Variants in ASIC2 observed in about 807,000 individuals in gnomAD.
ASIC2 encodes the protein acid-sensing ion channel 2.
A neutral mutation model predicts 57.3 loss-of-function variants in ASIC2; 25 were observed. That is an observed-to-expected ratio of 0.44 (90% CI 0.32 to 0.61). The LOEUF (loss-of-function observed/expected upper bound fraction) is 0.61. Ranked by LOEUF, ASIC2 falls within the 20% of genes least tolerant of loss-of-function variation. The pLI is 0.06. For synonymous variants in ASIC2, 319 were observed against 307.5 expected, an observed-to-expected ratio of 1.04 and a Z score of -0.39; for missense variants, 641 against 738.1, an observed-to-expected ratio of 0.87 and a Z score of 1.52.
At chr17:33,462,571 C>A (rs1182649527) in intron 1 of ASIC2, among the ~76,000 whole-genome samples, 1 of 152,202 alleles carries the variant, frequency 6.6e-6, no homozygotes, top group South Asian at 2.1e-4. Context: ...ACTGCAGCTG[C>A]CGTATGTGGG....
chr17:33,445,679 C>G (rs1002704667), intron 1 of ASIC2, among the ~76,000 whole-genome samples: 1 of 151,832 alleles, frequency 6.6e-6, no homozygotes, highest in African/African-American at 2.4e-5. Context: ...TGCCTGTAAT[C>G]CCAGCTACTC....
chr17:33,954,000 A>T (rs761496829), intron 1 of ASIC2, among the ~76,000 whole-genome samples: 9 of 152,156 alleles, frequency 5.9e-5, no homozygotes, highest in Non-Finnish European at 1.3e-4. Flanking sequence ...CATTGCTTTG[A>T]TGAGTATTTA....
chr17:33,732,503 C>CTT (rs35048594), intron 1 of ASIC2, among the ~76,000 whole-genome samples: 2,596 of 127,266 alleles, frequency 0.02, 80 homozygotes, highest in African/African-American at 0.068. Context: ...TAAGGAAATT[C>CTT]TTTTTTTTTT....
chr17:33,467,194 G>A (rs1267201934), intron 1 of ASIC2, among the ~76,000 whole-genome samples: 5 of 152,170 alleles, frequency 3.3e-5, no homozygotes, highest in African/African-American at 1.2e-4. Context: ...GCCTGCCTCT[G>A]CCTCCCAAAG....
intron 2 of ASIC2, among the ~76,000 whole-genome samples, chr17:33,091,484 T>A (rs1213193237): frequency 6.6e-6 from 1 of 151,976 alleles, no homozygotes; most frequent in African/African-American, 2.4e-5. Flanking sequence ...GCTTAAGAAA[T>A]CTTACAGCCA....
intron 1 of ASIC2, among the ~76,000 whole-genome samples, chr17:33,149,384 A>G (rs186526202): frequency 3.5e-4 from 53 of 152,342 alleles, no homozygotes; most frequent in Non-Finnish European, 5.9e-5. Context: ...TTTTTAAAGT[A>G]TAACTTTCAG....
intron 3 of ASIC2, among the ~76,000 whole-genome samples, chr17:33,075,268 C>G (rs552405660): frequency 3.9e-4 from 60 of 152,178 alleles, no homozygotes; most frequent in Non-Finnish European, 7.3e-4. Flanking sequence ...GTAAGACATG[C>G]CTTTTACCTT....
intron 1 of ASIC2, among the ~76,000 whole-genome samples, chr17:34,066,531 G>A (rs974328332): frequency 6.6e-6 from 1 of 152,154 alleles, no homozygotes; most frequent in Non-Finnish European, 1.5e-5. Context: ...TGAGTGGAGT[G>A]CCAACTCTGC....
intron 1 of ASIC2, among the ~76,000 whole-genome samples, chr17:34,113,387 C>A (rs1911334272): frequency 6.6e-6 from 1 of 151,994 alleles, no homozygotes; most frequent in Non-Finnish European, 1.5e-5. Context: ...ATAGCAAGAC[C>A]TTGTCTCTAC....
intron 1 of ASIC2, among the ~76,000 whole-genome samples, chr17:33,801,907 T>A (rs980232031): frequency 2.6e-5 from 4 of 151,986 alleles, no homozygotes; most frequent in African/African-American, 9.7e-5. Context: ...CATCGCAGAG[T>A]GTAGTTGGCT....
intron 1 of ASIC2, among the ~76,000 whole-genome samples, chr17:33,265,702 G>C (rs548530200): frequency 6.6e-6 from 1 of 152,188 alleles, no homozygotes; most frequent in South Asian, 2.1e-4. Flanking sequence ...TTCAGTGTGG[G>C]GGCCAGCTCT....
chr17:33,558,804 T>G (rs1312669079), intron 1 of ASIC2, among the ~76,000 whole-genome samples: 4 of 148,864 alleles, frequency 2.7e-5, no homozygotes, highest in South Asian at 2.1e-4. Flanking sequence ...ACTGTTGTTG[T>G]TTTTTTTTTA....
intron 1 of ASIC2, among the ~76,000 whole-genome samples, chr17:33,352,730 GT>G (rs754736295): frequency 5.3e-5 from 8 of 152,120 alleles, no homozygotes; most frequent in Non-Finnish European, 1.2e-4. Context: ...CAGTTTCAGT[GT>G]GCAAGGTGCA....
At chr17:33,445,730 C>G (rs9901320) in intron 1 of ASIC2, among the ~76,000 whole-genome samples, 110,403 of 149,486 alleles carry the variant, frequency 0.74, 41,163 homozygotes, top group Middle Eastern at 0.79. Flanking sequence ...TCAGGAGGCG[C>G]AGGTTGTGGT....
intron 1 of ASIC2, among the ~76,000 whole-genome samples, chr17:33,559,782 AG>A (rs1331635455): frequency 6.6e-6 from 1 of 152,224 alleles, no homozygotes; most frequent in Non-Finnish European, 1.5e-5. Context: ...TTTGCCCATC[AG>A]TAAATTCCCA....
chr17:33,713,144 A>G lies in ASIC2; in HGVS notation c.555+442834T>C, dbSNP rs537254110. 9.8e-5 allele frequency among the ~76,000 whole-genome samples: 15 copies of G among 152,354 alleles called. No homozygotes were observed. In the South Asian group the frequency reaches 2.9e-3, roughly 29 times the overall value. On this transcript the variant is annotated intron_variant, in intron 1 of 9. Coordinates refer to the ASIC2 transcript ENST00000359872. The stretch of plus-strand genomic sequence containing the variant: ...CGCTATTTATTAGGAACAGGTCACT[A>G]GGACCAGCCCACATAAGAGGAGAGG...
intron 1 of ASIC2, among the ~76,000 whole-genome samples, chr17:33,573,274 TTTTC>T (rs1180674763): frequency 6.6e-6 from 1 of 152,232 alleles, no homozygotes; most frequent in Non-Finnish European, 1.5e-5. Flanking sequence ...TACCCTGCTA[TTTTC>T]TTTGTCATTT....
intron 1 of ASIC2, among the ~76,000 whole-genome samples, chr17:33,623,240 TTTTTTGTTTGTTTG>T (rs749927171): frequency 6.1e-4 from 88 of 145,006 alleles, no homozygotes; most frequent in Admixed American, 1.4e-3. Flanking sequence ...GATATCGTTT[TTTTTTGTTTGTTTG>T]TTTGTTTGTT....
intron 1 of ASIC2, among the ~76,000 whole-genome samples, chr17:33,782,947 G>A (rs548703145): frequency 1.3e-5 from 2 of 152,000 alleles, no homozygotes; most frequent in South Asian, 2.1e-4. Flanking sequence ...AAACTTCCTC[G>A]CCTCAGAATT....
Sources: allele counts gnomAD v4.1 joint callset (sites outside exome capture counted in the v4.1 genomes callset), GRCh38; gene constraint gnomAD v4.1.1; transcripts MANE v1.5; gene names NCBI Gene and HGNC (gene_info 2026-07-23, HGNC 2026-07-21).